Variants in GRM8 observed in about 807,000 individuals in gnomAD.
The protein encoded by GRM8 is glutamate metabotropic receptor 8, also known as metabotropic glutamate receptor 8.
In GRM8, 47 loss-of-function variants were observed where a neutral mutation model predicts 87.2. The ratio of observed to expected loss-of-function variants is 0.54; its 90% CI spans 0.43 to 0.69. The LOEUF (loss-of-function observed/expected upper bound fraction) is 0.69. Among genes scored for constraint, GRM8 ranks in the 30% least tolerant of loss-of-function variants. The pLI is 0.00. For synonymous variants in GRM8, 396 were observed against 404.5 expected, an observed-to-expected ratio of 0.98 and a Z score of 0.25; for missense variants, 1,019 against 1,139.2, an observed-to-expected ratio of 0.89 and a Z score of 1.52.
At chr7:126,836,467 C>A (rs370159515) in intron 6 of GRM8, among the ~76,000 whole-genome samples, 2 of 152,268 alleles carry the variant, frequency 1.3e-5, no homozygotes, top group East Asian at 3.9e-4. Context: ...CATAACATAG[C>A]CCACAATATT....
At chr7:126,531,434 T>C (rs553754101) in intron 9 of GRM8, among the ~76,000 whole-genome samples, 25 of 152,346 alleles carry the variant, frequency 1.6e-4, no homozygotes, top group Non-Finnish European at 2.8e-4. Context: ...CTCAATCATA[T>C]CTGCATAGGC....
chr7:127,000,790 C>T (rs757757635), intron 3 of GRM8, among the ~76,000 whole-genome samples: 7 of 151,430 alleles, frequency 4.6e-5, no homozygotes, highest in African/African-American at 9.7e-5. Context: ...ATTGGTGACA[C>T]GACGATGCAA....
intron 3 of GRM8, among the ~76,000 whole-genome samples, chr7:126,977,669 A>C (rs892816572): frequency 2.0e-5 from 3 of 152,214 alleles, no homozygotes; most frequent in Non-Finnish European, 2.9e-5. Context: ...TAACAGTTTC[A>C]ACAGCTATAT....
At chr7:126,485,616 T>C (rs1446846071) in intron 9 of GRM8, among the ~76,000 whole-genome samples, 1 of 151,976 alleles carries the variant, frequency 6.6e-6, no homozygotes, top group Non-Finnish European at 1.5e-5. Flanking sequence ...ACCTCTCTAT[T>C]ATAGTATAGA....
intron 6 of GRM8, among the ~76,000 whole-genome samples, chr7:126,840,066 T>C (rs1796138782): frequency 6.6e-6 from 1 of 152,182 alleles, no homozygotes. Context: ...ATATAATAAA[T>C]CAAACTATAT....
chr7:126,670,110 T>C (rs1023744632), intron 7 of GRM8, among the ~76,000 whole-genome samples: 1 of 152,222 alleles, frequency 6.6e-6, no homozygotes, highest in African/African-American at 2.4e-5. Context: ...TTAAAATTTC[T>C]GAGTCATTTT....
intron 9 of GRM8, among the ~76,000 whole-genome samples, chr7:126,516,994 A>C (rs901448011): frequency 2.0e-5 from 3 of 152,100 alleles, no homozygotes; most frequent in Non-Finnish European, 2.9e-5. Context: ...GTTATAACAT[A>C]TCTCTTTCTA....
chr7:127,034,508 A>C (rs1227170895), intron 3 of GRM8, among the ~76,000 whole-genome samples: 1 of 152,336 alleles, frequency 6.6e-6, no homozygotes, highest in African/African-American at 2.4e-5. Flanking sequence ...TTGCTCTGCT[A>C]TACTAACCTT....
At chr7:126,623,733 G>A (rs1268303088) in intron 7 of GRM8, among the ~76,000 whole-genome samples, 1 of 152,102 alleles carries the variant, frequency 6.6e-6, no homozygotes, top group Non-Finnish European at 1.5e-5. Flanking sequence ...CAGATCTGGA[G>A]ACCAGATCCT....
At chr7:126,705,429 G>A (rs1416931023) in intron 7 of GRM8, among the ~76,000 whole-genome samples, 1 of 152,078 alleles carries the variant, frequency 6.6e-6, no homozygotes, top group East Asian at 1.9e-4. Context: ...AAGTAGCTAT[G>A]TAAGTCACTA....
intron 3 of GRM8, among the ~76,000 whole-genome samples, chr7:127,094,306 T>A (rs1383367283): frequency 6.6e-6 from 1 of 152,148 alleles, no homozygotes; most frequent in Non-Finnish European, 1.5e-5. Context: ...GAAGCACACT[T>A]CCTGTCATGA....
chr7:127,006,590 A>G (rs1289078596), intron 3 of GRM8, among the ~76,000 whole-genome samples: 1 of 151,974 alleles, frequency 6.6e-6, no homozygotes, highest in Non-Finnish European at 1.5e-5. Context: ...TCAGTCTCTC[A>G]AGAGTATTAA....
chr7:126,730,015 A>G (rs188263354), intron 7 of GRM8, among the ~76,000 whole-genome samples: 96 of 152,264 alleles, frequency 6.3e-4, no homozygotes, highest in Non-Finnish European at 1.2e-3. Context: ...ACGATCTTTT[A>G]CTGAGAAAGT....
chr7:126,762,435 C>T (rs1021524890), intron 7 of GRM8, among the ~76,000 whole-genome samples: 1 of 151,866 alleles, frequency 6.6e-6, no homozygotes, highest in African/African-American at 2.4e-5. Context: ...CCCAAATACA[C>T]AGTCAACACC....
chr7:127,223,376 A>G (rs528987902), intron 2 of GRM8, among the ~76,000 whole-genome samples: 34 of 152,082 alleles, frequency 2.2e-4, no homozygotes, highest in African/African-American at 7.0e-4. Flanking sequence ...CTTCTTTTAG[A>G]TTGAAGAAAA....
At chr7:126,827,349 T>A (rs1794919166) in intron 6 of GRM8, among the ~76,000 whole-genome samples, 2 of 152,238 alleles carry the variant, frequency 1.3e-5, no homozygotes, top group Non-Finnish European at 2.9e-5. Context: ...TCCATGAGGA[T>A]GGAATGTTCT....
chr7:126,545,914 T>C (rs903136207), intron 8 of GRM8, among the ~76,000 whole-genome samples: 3 of 152,210 alleles, frequency 2.0e-5, no homozygotes, highest in Admixed American at 6.5e-5. Context: ...CTGTGATATT[T>C]TGAACAACAT....
intron 8 of GRM8, among the ~76,000 whole-genome samples, chr7:126,602,433 T>C (rs1016725672): frequency 9.1e-6 from 1 of 110,246 alleles, no homozygotes; most frequent in African/African-American, 2.9e-5. Context: ...TTCGGTTCCA[T>C]ATGAACTTTA....
chr7:127,050,992 CTAG>C (rs928304488), intron 3 of GRM8, among the ~76,000 whole-genome samples: 1 of 151,886 alleles, frequency 6.6e-6, no homozygotes, highest in African/African-American at 2.4e-5. Context: ...AAATTCCAAG[CTAG>C]TAGATTTTTG....
Sources: allele counts gnomAD v4.1 joint callset (sites outside exome capture counted in the v4.1 genomes callset), GRCh38; gene constraint gnomAD v4.1.1; transcripts MANE v1.5; gene names NCBI Gene and HGNC (gene_info 2026-07-23, HGNC 2026-07-21).